BTBD9: variants seen among roughly 807,000 people sequenced by gnomAD.
The protein encoded by BTBD9 is BTB/POZ domain-containing protein 9.
BTBD9 carries 49 observed loss-of-function variants against 64.3 expected under a neutral mutation model. That is an observed-to-expected ratio of 0.76 (90% CI 0.61 to 0.97). BTBD9 has a LOEUF of 0.97. BTBD9 is among the 50% of genes least tolerant of loss of function. The pLI is 0.00. For synonymous variants in BTBD9, 260 were observed against 274.7 expected (o/e 0.95, Z 0.53); for missense variants, 598 against 762.1 (o/e 0.78, Z 2.53).
At chr6:38,468,481 G>C (rs80070848) in intron 6 of BTBD9, among the ~76,000 whole-genome samples, 115 of 152,240 alleles carry the variant, frequency 7.6e-4, no homozygotes, top group African/African-American at 2.4e-3. Flanking sequence ...CATCTTTCAA[G>C]GCCTAGTATA....
intron 6 of BTBD9, among the ~76,000 whole-genome samples, chr6:38,359,070 C>T (rs1201469669): frequency 6.6e-6 from 1 of 152,192 alleles, no homozygotes; most frequent in South Asian, 2.1e-4. Context: ...CGCGCCCGGC[C>T]GGATTGTGAC....
At chr6:38,518,171 C>T (rs1048854042) in intron 6 of BTBD9, among the ~76,000 whole-genome samples, 25 of 152,236 alleles carry the variant, frequency 1.6e-4, no homozygotes, top group Non-Finnish European at 3.1e-4. Flanking sequence ...ATGTGCCCCC[C>T]ACCCCCGAAC....
Position 38,352,829 on chromosome 6 carries a change from G to A in BTBD9, c.1155-7736C>T, listed in dbSNP as rs552960854. 2.0e-5 allele frequency among the ~76,000 whole-genome samples: 3 copies of A among 152,300 alleles called. No homozygotes were observed. In the East Asian group the frequency reaches 5.8e-4, roughly 29 times the overall value. On this transcript the variant is annotated intron_variant, in intron 6 of 10. Transcript: ENST00000481247. ...TTCCTACCCGCTCTTCCCAACTCATGATCACTGATTCATCCAACAAATATT... is the reference window on the plus strand; with the variant it reads ...TTCCTACCCGCTCTTCCCAACTCATAATCACTGATTCATCCAACAAATATT...
rs57568036 is a variant in BTBD9, at chr6:38,374,283, G to GTATATATATATATATATATATA, written c.1155-29191_1155-29190insTATATATATATATATATATATA. Among the ~76,000 whole-genome samples the GTATATATATATATATATATATA allele has an allele frequency of 7.7e-4, 35 of 45,446 alleles. 1 individual carries two copies. The highest frequency in any genetic ancestry group is 1.6e-3 in the Admixed American group (6 of 3,654). 29.8% of individuals were successfully genotyped at this position (45,446 alleles called of 152,430 possible). ...GGCCTTGTGTCGAAAAAAAAAAAAA[G>GTATATATATATATATATATATA]TATATATATATATGTATATATATGT... On this transcript the variant is annotated intron_variant, in intron 6 of 10. Coordinates refer to ENST00000481247, the MANE Select transcript of BTBD9 (RefSeq NM_001099272.2).
chr6:38,209,182 G>A (rs1931766), intron 9 of BTBD9, among the ~76,000 whole-genome samples: 10 of 152,024 alleles, frequency 6.6e-5, no homozygotes, highest in East Asian at 3.9e-4. Context: ...CTCTCTTACT[G>A]CCTGCGCCTG....
intron 6 of BTBD9, among the ~76,000 whole-genome samples, chr6:38,469,926 C>T (rs939216542): frequency 2.0e-5 from 3 of 152,040 alleles, no homozygotes; most frequent in African/African-American, 7.3e-5. Context: ...AAATTGAGCA[C>T]GTACACAAGA....
chr6:38,308,486 T>C (rs572143135), intron 7 of BTBD9, among the ~76,000 whole-genome samples: 4 of 152,228 alleles, frequency 2.6e-5, no homozygotes, highest in African/African-American at 7.2e-5. Flanking sequence ...AGTTTTAATA[T>C]AAAGGGCATC....
At chr6:38,179,512 C>G (rs769082780) in intron 10 of BTBD9, 2 of 456,782 alleles carry the variant, frequency 4.4e-6, no homozygotes, top group South Asian at 3.1e-5. Flanking sequence ...ATGCCAAGGA[C>G]TCTCACAGAC....
Position 38,274,847 on chromosome 6 carries a change from C to G in BTBD9, c.1454+13425G>C, listed in dbSNP as rs572333223. The stretch of plus-strand genomic sequence containing the variant: ...ATATTGGTCTAAAGTTCTCTTTGTT[C>G]GTTGTGTCTCTGCCAGGCTTTGGTA... On this transcript the variant is annotated intron_variant, in intron 8 of 10. Coordinates refer to ENST00000481247, the MANE Select transcript of BTBD9 (RefSeq NM_001099272.2). Among the ~76,000 whole-genome samples, 9 of 152,164 alleles carry G rather than the reference C, an allele frequency of 5.9e-5. No homozygotes were observed. In the East Asian group the frequency reaches 1.7e-3, roughly 29 times the overall value.
At chr6:38,624,359 G>A (rs773329411) in intron 1 of BTBD9, among the ~76,000 whole-genome samples, 6 of 152,088 alleles carry the variant, frequency 3.9e-5, no homozygotes, top group African/African-American at 9.6e-5. Context: ...ACAATAAACC[G>A]TGCTACCACT....
intron 6 of BTBD9, among the ~76,000 whole-genome samples, chr6:38,559,330 C>T (rs1775166636): frequency 6.6e-6 from 1 of 151,078 alleles, no homozygotes; most frequent in Admixed American, 6.6e-5. Context: ...AATAGTCACA[C>T]ACATACAGGG....
chr6:38,396,607 T>TA (rs1174404928), intron 6 of BTBD9, among the ~76,000 whole-genome samples: 1 of 152,204 alleles, frequency 6.6e-6, no homozygotes, highest in Non-Finnish European at 1.5e-5. Flanking sequence ...TGGAAGTTAC[T>TA]AAAAAAATGT....
At chr6:38,588,489 T>C in intron 4 of BTBD9, 1 of 866,466 alleles carries the variant, frequency 1.2e-6, no homozygotes, top group Non-Finnish European at 1.8e-6. Flanking sequence ...TGTCCTCCCT[T>C]TGGTCAGGGC....
intron 1 of BTBD9, among the ~76,000 whole-genome samples, chr6:38,604,804 C>T (rs1582706326): frequency 6.6e-6 from 1 of 152,130 alleles, no homozygotes; most frequent in East Asian, 1.9e-4. Context: ...TGCTCATATT[C>T]GAGGGAGACT....
chr6:38,220,002 A>T (rs1314228513), intron 9 of BTBD9, among the ~76,000 whole-genome samples: 1 of 152,248 alleles, frequency 6.6e-6, no homozygotes, highest in African/African-American at 2.4e-5. Context: ...TGTGCTTAAA[A>T]TACCTAACCA....
At chr6:38,255,059 C>A (rs1384121117) in intron 9 of BTBD9, among the ~76,000 whole-genome samples, 1 of 152,140 alleles carries the variant, frequency 6.6e-6, no homozygotes. Flanking sequence ...TATATGCACA[C>A]AATGGAATAC....
At chr6:38,196,175 A>G (rs1443470282) in intron 9 of BTBD9, among the ~76,000 whole-genome samples, 1 of 152,172 alleles carries the variant, frequency 6.6e-6, no homozygotes, top group Non-Finnish European at 1.5e-5. Flanking sequence ...TGGGCTCTGT[A>G]CCCTGGCTGC....
At chr6:38,459,293 C>T (rs1402087025) in intron 6 of BTBD9, among the ~76,000 whole-genome samples, 1 of 152,200 alleles carries the variant, frequency 6.6e-6, no homozygotes, top group African/African-American at 2.4e-5. Context: ...GCTGGGATTA[C>T]AGGCGTGAGC....
chr6:38,627,540 G>A (rs1303390324), intron 1 of BTBD9, among the ~76,000 whole-genome samples: 1 of 152,052 alleles, frequency 6.6e-6, no homozygotes, highest in East Asian at 1.9e-4. Context: ...GCAGATCTTG[G>A]CCTATTTTGT....
Sources: allele counts gnomAD v4.1 joint callset (sites outside exome capture counted in the v4.1 genomes callset), GRCh38; gene constraint gnomAD v4.1.1; transcripts MANE v1.5; gene names NCBI Gene and HGNC (gene_info 2026-07-23, HGNC 2026-07-21).